ALAS1: variants seen among roughly 807,000 people sequenced by gnomAD.
The protein encoded by ALAS1 is 5'-aminolevulinate synthase 1, also known as 5-aminolevulinate synthase, non-specific, mitochondrial.
In ALAS1, 29 loss-of-function variants were observed where a neutral mutation model predicts 59.6. The ratio of observed to expected loss-of-function variants is 0.49; its 90% CI spans 0.36 to 0.66. The LOEUF is 0.66. Ranked by LOEUF, ALAS1 falls within the 30% of genes least tolerant of loss-of-function variation. The pLI is 0.00. For synonymous variants in ALAS1, 299 were observed against 296.6 expected (o/e 1.01, Z -0.08); for missense variants, 690 against 807.5 (o/e 0.85, Z 1.76).
Position 52,208,100 on chromosome 3 carries a change from G to A in ALAS1, c.1183G>A (p.Glu395Lys). 6.3e-7 allele frequency: 1 copy of A among 1,587,716 alleles called. No individual in the cohort carries two copies. The highest frequency in any genetic ancestry group is 8.6e-7 in the Non-Finnish European group (1 of 1,167,664). ...TTCCTCAGGGGCGGTGTGCCCACTG[G>A]AAGAGCTGTGTGATGTGGCCCATGA... ...HSMDGAVCPLEELCDVAHEFG... is the reference protein window; with the variant it reads ...HSMDGAVCPLKELCDVAHEFG... Residue 395 changes from glutamate (E) to lysine (K), a missense_variant, in exon 9 of 12, where the codon GAA becomes AAA. Transcript: ENST00000484952.
chr3:52,206,158 C>A, intron 7 of ALAS1, 135 bp downstream of exon 7: 2 of 880,314 alleles, frequency 2.3e-6, no homozygotes, highest in Non-Finnish European at 3.4e-6. Context: ...GTTCTGGGGT[C>A]AAGCATGAAA....
At chr3:52,212,759 G>T (rs1383385163) in intron 11 of ALAS1, among the ~76,000 whole-genome samples, 1 of 152,106 alleles carries the variant, frequency 6.6e-6, no homozygotes, top group Non-Finnish European at 1.5e-5. Flanking sequence ...TCGAACTCCC[G>T]ACCTCAGGTG....
chr3:52,212,719 T>TG (rs1232875925), intron 11 of ALAS1, among the ~76,000 whole-genome samples: 1 of 151,976 alleles, frequency 6.6e-6, no homozygotes, highest in Non-Finnish European at 1.5e-5. Flanking sequence ...TTAGTAGAGA[T>TG]GGGGTTTCTC....
chr3:52,200,415 G>A (rs1699164038), intron 3 of ALAS1, among the ~76,000 whole-genome samples: 1 of 152,106 alleles, frequency 6.6e-6, no homozygotes, highest in African/African-American at 2.4e-5. Flanking sequence ...AAGTGAAATT[G>A]TACAGTATTT....
chr3:52,214,052 C>T lies in ALAS1; in HGVS notation c.1795C>T (p.Leu599=). 1 of 1,611,676 alleles carries T rather than the reference C, an allele frequency of 6.2e-7. No homozygotes were observed. The change falls in exon 12 of 12, where the codon CTG becomes TTG. Residue 599 remains leucine, a synonymous_variant. Transcript: ENST00000484952. ...NLLVTWKQVG[L]ELKPHSSAEC... The stretch of plus-strand genomic sequence containing the variant: ...GCTAGTCACATGGAAGCAAGTGGGG[C>T]TGGAACTGAAGCCTCATTCCTCAGC...
chr3:52,212,892 T>C (rs1699441282), intron 11 of ALAS1, among the ~76,000 whole-genome samples: 2 of 152,132 alleles, frequency 1.3e-5, no homozygotes, highest in African/African-American at 4.8e-5. Flanking sequence ...CTAAAAGGTA[T>C]TTATTGTCTG....
intron 10 of ALAS1, among the ~76,000 whole-genome samples, 154 bp downstream of exon 10, chr3:52,211,705 T>C (rs1699414385): frequency 6.6e-6 from 1 of 152,214 alleles, no homozygotes; most frequent in African/African-American, 2.4e-5. Flanking sequence ...GTTTCCGCCA[T>C]TGGCTGACTT....
At chr3:52,212,513 G>C in intron 11 of ALAS1, 93 bp downstream of exon 11, 1 of 1,477,426 alleles carries the variant, frequency 6.8e-7, no homozygotes. Context: ...GAGGCATTCA[G>C]ATTTGTTTCT....
rs149960347 is a variant in ALAS1, at chr3:52,202,784, T to A, written c.427+50T>A. The A allele has an allele frequency of 5.7e-3, 8,908 of 1,554,696 alleles. 75 individuals carry two copies. The highest frequency in any genetic ancestry group is 0.025 in the South Asian group (2,241 of 88,030). ...AGTGGTAGTGAAGGGGTCCTTTTAG[T>A]TCTTTTGGGCCCTCAGATTTGTGTA... is the stretch of plus-strand genomic sequence containing the variant. On this transcript the variant is annotated intron_variant, in intron 4 of 11. Coordinates refer to ENST00000484952, the MANE Select transcript of ALAS1 (RefSeq NM_000688.6).
rs1314680450 is a variant in ALAS1 at position 52,206,152 on chromosome 3, TG to T, written c.985+133del. On this transcript the variant is annotated intron_variant, in intron 7 of 11. Coordinates refer to ENST00000484952, the MANE Select transcript of ALAS1 (RefSeq NM_000688.6). ...CATAATCCTATCTGGGCATTTGTTC[TG>T]GGGTCAAGCATGAAATGCTGACTGT... is the stretch of plus-strand genomic sequence containing the variant. 10 of 909,420 alleles carry T rather than the reference TG, an allele frequency of 1.1e-5. No individual in the cohort carries two copies. In the African/African-American group the frequency reaches 1.2e-4, roughly 11 times the overall value. The allele number at this position is 909,420 out of a possible 1,614,324, so 56.3% of individuals were successfully genotyped here.
intron 3 of ALAS1, among the ~76,000 whole-genome samples, chr3:52,200,802 G>T (rs959369583): frequency 6.6e-6 from 1 of 152,112 alleles, no homozygotes; most frequent in African/African-American, 2.4e-5. Context: ...AGCTTTTCAG[G>T]TTCCACTTAA....
Position 52,204,679 on chromosome 3 carries a change from T to C in ALAS1, c.578-14T>C, listed in dbSNP as rs747182152. ...ACAACCACCATTCTGTACTGTCTTTTGTTCAATTTTTAGCTGTTTCCACTT... is the reference window on the plus strand; with the variant it reads ...ACAACCACCATTCTGTACTGTCTTTCGTTCAATTTTTAGCTGTTTCCACTT... On this transcript the variant is annotated splice_polypyrimidine_tract_variant and intron_variant, in intron 5 of 11. Coordinates refer to ENST00000484952, the MANE Select transcript of ALAS1 (RefSeq NM_000688.6). 25 of 1,608,462 alleles carry C rather than the reference T, an allele frequency of 1.6e-5. No homozygotes were observed. The highest frequency in any genetic ancestry group is 1.9e-5 in the Non-Finnish European group (22 of 1,175,862).
chr3:52,211,208 T>C, intron 9 of ALAS1, 75 bp from the exon 10 acceptor site: 2 of 1,538,334 alleles, frequency 1.3e-6, no homozygotes, highest in South Asian at 1.2e-5. Flanking sequence ...GCTTTGAGGC[T>C]CCACAACACC....
chr3:52,211,688 C>T (rs1231398909), intron 10 of ALAS1, 137 bp downstream of exon 10: 1 of 1,279,598 alleles, frequency 7.8e-7, no homozygotes, highest in South Asian at 1.4e-5. Context: ...CAGCCACCCT[C>T]TGTCATGTTT....
Position 52,206,585 on chromosome 3 carries a change from C to T in ALAS1, c.999C>T (p.Tyr333=). 6.2e-7 allele frequency: 1 copy of T among 1,614,180 alleles called. No individual in the cohort carries two copies. Among genetic ancestry groups the T allele is most frequent in the Non-Finnish European group, 8.5e-7 (1 of 1,180,016 alleles). ...LAKMMPGCEI[Y]SDSGNHASMI... is the part of the protein sequence containing the mutation. ...TTGTTGTCTTAGGCTGTGAGATTTA[C>T]TCTGATTCTGGGAACCATGCCTCCA... is the stretch of plus-strand genomic sequence containing the variant. The change falls in exon 8 of 12, where the codon TAC becomes TAT. Residue 333 remains tyrosine, a synonymous_variant. Transcript: ENST00000484952.
chr3:52,199,091 G>T, intron 2 of ALAS1, 119 bp from the exon 3 acceptor site: 1 of 1,096,490 alleles, frequency 9.1e-7, no homozygotes, highest in East Asian at 2.6e-5. Context: ...CATTTTTGAG[G>T]GAGAAGTGTT....
chr3:52,203,869 C>A lies in ALAS1; in HGVS notation c.434C>A (p.Ala145Asp). Residue 145 changes from alanine to aspartate, a missense_variant, in exon 5 of 12, where the codon GCT becomes GAT. By Grantham distance (126) the Ala-to-Asp change is moderately radical. Transcript: ENST00000484952. ...CTTGTTACTTTTGTTCCAGAGGTTG[C>A]TGAAACCTCAGCAGGCCCCAGTGTG... ...QEMNAVRKEV[A>D]ETSAGPSVVS... The A allele has an allele frequency of 1.3e-6, 2 of 1,580,572 alleles. No homozygotes were observed. Among genetic ancestry groups the A allele is most frequent in the Non-Finnish European group, 1.7e-6 (2 of 1,163,616 alleles).
intron 11 of ALAS1, among the ~76,000 whole-genome samples, chr3:52,213,472 C>G (rs1699453696): frequency 6.6e-6 from 1 of 152,174 alleles, no homozygotes; most frequent in Admixed American, 6.5e-5. Flanking sequence ...TTATAAAAGC[C>G]TTATCTCAGT....
chr3:52,204,588 G>C, intron 5 of ALAS1, 105 bp from the exon 6 acceptor site: 1 of 889,272 alleles, frequency 1.1e-6, no homozygotes. Flanking sequence ...CAAATAACCT[G>C]CCCAGGATCT....
Sources: gnomAD v4.1 joint callset for allele counts (sites outside exome capture counted in the v4.1 genomes callset) on GRCh38, gnomAD v4.1.1 for gene constraint, MANE v1.5 for transcripts, NCBI Gene and HGNC (gene_info 2026-07-23, HGNC 2026-07-21) for gene names.